The following TMEM132D variants were observed in gnomAD, a reference collection of about 807,000 sequenced individuals.
TMEM132D encodes transmembrane protein 132D, also known as mature OL transmembrane protein.
A neutral mutation model predicts 62.3 loss-of-function variants in TMEM132D; 21 were observed. The observed-to-expected ratio is 0.34, with a 90% CI of 0.24 to 0.49. The LOEUF (loss-of-function observed/expected upper bound fraction) is 0.49. Among genes scored for constraint, TMEM132D ranks in the 20% least tolerant of loss-of-function variants. The pLI is 0.99. For missense variants in TMEM132D, 1,346 were observed against 1,402.8 expected (o/e 0.96, Z 0.65); for synonymous variants, 621 against 575.6 (o/e 1.08, Z -1.13).
rs983040160 is a variant in TMEM132D, at chr12:129,085,314, G to C, written c.1444-612C>G. On this transcript the variant is annotated intron_variant, in intron 5 of 8. Coordinates refer to ENST00000422113, the MANE Select transcript of TMEM132D (RefSeq NM_133448.3). ...GCAGACCACTTTCCCCTGCAGGCAC[G>C]GGGTGGATTCTGAGGCCCGTCCTGC... is the stretch of plus-strand genomic sequence containing the variant. The C allele has an allele frequency of 3.9e-5, 6 of 152,648 alleles. No homozygotes were observed. In the East Asian group the frequency reaches 9.6e-4, roughly 25 times the overall value. The allele number at this position is 152,648 out of a possible 1,614,324, so 9.5% of individuals were successfully genotyped here.
At chr12:129,334,114 C>T (rs1160560451) in intron 4 of TMEM132D, among the ~76,000 whole-genome samples, 1 of 152,092 alleles carries the variant, frequency 6.6e-6, no homozygotes, top group Non-Finnish European at 1.5e-5. Flanking sequence ...GAGTGAAACT[C>T]TGTCTCACAA....
At chr12:129,077,883 A>C (rs2135609753) in intron 8 of TMEM132D, among the ~76,000 whole-genome samples, 1 of 89,170 alleles carries the variant, frequency 1.1e-5, no homozygotes, top group African/African-American at 3.9e-5. Context: ...ATACACAGAC[A>C]CACAAAAACA....
intron 2 of TMEM132D, among the ~76,000 whole-genome samples, chr12:129,685,315 A>G (rs1880881300): frequency 6.6e-6 from 1 of 152,208 alleles, no homozygotes; most frequent in South Asian, 2.1e-4. Flanking sequence ...TACTGTATGC[A>G]GCCTAGGGAA....
At chr12:129,582,461 A>G (rs1877896896) in intron 2 of TMEM132D, among the ~76,000 whole-genome samples, 1 of 152,090 alleles carries the variant, frequency 6.6e-6, no homozygotes, top group Admixed American at 6.5e-5. Context: ...ATGCACACTC[A>G]CCCATTTCAC....
chr12:129,358,642 G>A (rs1415160258), intron 3 of TMEM132D, among the ~76,000 whole-genome samples: 1 of 152,130 alleles, frequency 6.6e-6, no homozygotes, highest in African/African-American at 2.4e-5. Context: ...AACATAAATT[G>A]GCAACTGTAA....
At chr12:129,879,198 C>T (rs901018540) in intron 1 of TMEM132D, among the ~76,000 whole-genome samples, 2 of 152,184 alleles carry the variant, frequency 1.3e-5, no homozygotes, top group African/African-American at 4.8e-5. Flanking sequence ...TGTTCCTTTC[C>T]TAGATCACAG....
At chr12:129,319,862 G>C (rs1381943349) in intron 4 of TMEM132D, among the ~76,000 whole-genome samples, 3 of 152,178 alleles carry the variant, frequency 2.0e-5, no homozygotes, top group African/African-American at 7.2e-5. Flanking sequence ...ACAGAACTGA[G>C]AGTTATAATA....
rs116185115 is a variant in TMEM132D, at chr12:129,322,200, G to A, written c.1299+15434C>T. On this transcript the variant is annotated intron_variant, in intron 4 of 8. Coordinates refer to ENST00000422113, the MANE Select transcript of TMEM132D (RefSeq NM_133448.3). ...GAATGTTTCCTTCCTGGTTTTTGTC[G>A]GACACACAGACATGTCTATGCCTTT... Among the ~76,000 whole-genome samples the A allele has an allele frequency of 6.0e-3, 907 of 150,870 alleles. 11 individuals are homozygous for A. The highest frequency in any genetic ancestry group is 0.02 in the African/African-American group (832 of 41,012).
chr12:129,469,410 T>C (rs1045154893), intron 3 of TMEM132D, among the ~76,000 whole-genome samples: 1 of 152,226 alleles, frequency 6.6e-6, no homozygotes, highest in African/African-American at 2.4e-5. Context: ...CCATAACTAC[T>C]GAATCAGAAA....
intron 3 of TMEM132D, among the ~76,000 whole-genome samples, chr12:129,466,652 A>T (rs1463496770): frequency 6.6e-6 from 1 of 152,150 alleles, no homozygotes; most frequent in Non-Finnish European, 1.5e-5. Context: ...CCTGGAGAAG[A>T]CACTGTTCGA....
At position 129,337,441 on chromosome 12, in the gene TMEM132D, GCACACACACACACA is replaced by G. The variant is rs34583805; in HGVS notation, c.1299+179_1299+192del. 2.4e-3 allele frequency among the ~76,000 whole-genome samples: 362 copies of G among 148,228 alleles called. 2 individuals carry two copies. The highest frequency in any genetic ancestry group is 3.4e-3 in the Middle Eastern group (1 of 292). Reference sequence around the variant, plus strand: ...TAGATATAGATATAGATACACACACGCACACACACACACACACACACACACACACACATAACGAT... The same window carrying G: ...TAGATATAGATATAGATACACACACGCACACACACACACACACATAACGAT... On this transcript the variant is annotated intron_variant, in intron 4 of 8. Coordinates refer to ENST00000422113, the MANE Select transcript of TMEM132D (RefSeq NM_133448.3).
At chr12:129,420,204 G>A (rs572560437) in intron 3 of TMEM132D, among the ~76,000 whole-genome samples, 69 of 151,906 alleles carry the variant, frequency 4.5e-4, no homozygotes, top group Non-Finnish European at 8.2e-4. Context: ...ATGGTGTCCC[G>A]GCTATAGAAA....
At chr12:129,294,164 A>G (rs1881514536) in intron 4 of TMEM132D, among the ~76,000 whole-genome samples, 1 of 152,260 alleles carries the variant, frequency 6.6e-6, no homozygotes, top group South Asian at 2.1e-4. Flanking sequence ...TATATGAACT[A>G]AAGTTCCATG....
chr12:129,454,416 AT>A (rs1480792934), intron 3 of TMEM132D, among the ~76,000 whole-genome samples: 2 of 152,126 alleles, frequency 1.3e-5, no homozygotes, highest in Admixed American at 1.3e-4. Context: ...GGGGTTTCTT[AT>A]TCAGATTTTT....
chr12:129,458,748 T>A (rs1188133267), intron 3 of TMEM132D, among the ~76,000 whole-genome samples: 2 of 152,140 alleles, frequency 1.3e-5, no homozygotes, highest in Admixed American at 1.3e-4. Context: ...AGCAGGCTCA[T>A]ATTCGGCCGA....
At chr12:129,092,539 C>T (rs762281036) in intron 5 of TMEM132D, among the ~76,000 whole-genome samples, 2 of 151,878 alleles carry the variant, frequency 1.3e-5, no homozygotes, top group Non-Finnish European at 2.9e-5. Context: ...ATTAAAAATA[C>T]AAAAAAATTA....
At chr12:129,423,731 C>T (rs1257383790) in intron 3 of TMEM132D, among the ~76,000 whole-genome samples, 1 of 152,104 alleles carries the variant, frequency 6.6e-6, no homozygotes, top group African/African-American at 2.4e-5. Context: ...TCAACACGAA[C>T]TTTCAATATT....
intron 2 of TMEM132D, among the ~76,000 whole-genome samples, chr12:129,546,800 CA>C (rs113282704): frequency 1.1e-3 from 134 of 125,086 alleles, no homozygotes; most frequent in South Asian, 1.0e-3. Context: ...TACTCCGTCT[CA>C]AAAAAAAAAA....
intron 3 of TMEM132D, among the ~76,000 whole-genome samples, chr12:129,447,611 A>T (rs77988420): frequency 6.6e-6 from 1 of 152,204 alleles, no homozygotes; most frequent in Non-Finnish European, 1.5e-5. Context: ...TGGGAAAAAA[A>T]GCTGAAAAGA....
Sources: allele counts gnomAD v4.1 joint callset (sites outside exome capture counted in the v4.1 genomes callset), GRCh38; gene constraint gnomAD v4.1.1; transcripts MANE v1.5; gene names NCBI Gene and HGNC (gene_info 2026-07-23, HGNC 2026-07-21).